The following HHAT variants were observed in gnomAD, a reference collection of about 807,000 sequenced individuals.
HHAT encodes protein-cysteine N-palmitoyltransferase HHAT.
In HHAT, 47 loss-of-function variants were observed where a neutral mutation model predicts 70.8. The ratio of observed to expected loss-of-function variants is 0.66; its 90% CI spans 0.53 to 0.85. HHAT has a LOEUF of 0.85. Ranked by LOEUF, HHAT falls within the 40% of genes least tolerant of loss-of-function variation. The pLI is 0.00. For missense variants in HHAT, 609 were observed against 604.8 expected (o/e 1.01, Z -0.07); for synonymous variants, 228 against 247.6 (o/e 0.92, Z 0.74).
intron 8 of HHAT, among the ~76,000 whole-genome samples, chr1:210,482,225 T>G (rs2094407896): frequency 1.3e-5 from 2 of 152,104 alleles, no homozygotes; most frequent in Non-Finnish European, 2.9e-5. Flanking sequence ...CTTCTGTACC[T>G]CCTGGTCCCC....
In HHAT at chr1:210,439,839, G is replaced by A. The variant is rs1212429428; in HGVS notation, c.856+21514G>A. 6 of 151,926 alleles carry A rather than the reference G, an allele frequency of 3.9e-5. 1 individual carries two copies. Among genetic ancestry groups the A allele is most frequent in the African/African-American group, 1.5e-4 (6 of 41,164 alleles). 9.4% of individuals were successfully genotyped at this position (151,926 alleles called of 1,614,324 possible). On this transcript the variant is annotated intron_variant, in intron 7 of 11. Transcript: ENST00000261458. ...GACAAGTGATGTTCCCTGAGGTTTGGGGACTTGGGCTTTTCTTAATCACCT... is the reference window on the plus strand; with the variant it reads ...GACAAGTGATGTTCCCTGAGGTTTGAGGACTTGGGCTTTTCTTAATCACCT...
chr1:210,450,567 C>T (rs1011569916), intron 7 of HHAT, among the ~76,000 whole-genome samples: 7 of 149,510 alleles, frequency 4.7e-5, no homozygotes, highest in Non-Finnish European at 5.9e-5. Flanking sequence ...CATGAGCTAC[C>T]GCACCTGGCC....
At chr1:210,595,737 T>C (rs1158299454) in intron 10 of HHAT, among the ~76,000 whole-genome samples, 1 of 152,248 alleles carries the variant, frequency 6.6e-6, no homozygotes, top group Non-Finnish European at 1.5e-5. Flanking sequence ...CATTTTTTCA[T>C]GTGTCTTTTG....
At chr1:210,600,972 T>G (rs182636371) in intron 10 of HHAT, among the ~76,000 whole-genome samples, 1 of 152,260 alleles carries the variant, frequency 6.6e-6, no homozygotes, top group East Asian at 1.9e-4. Context: ...CCTGCTGAGC[T>G]GATTTATATC....
intron 9 of HHAT, among the ~76,000 whole-genome samples, chr1:210,527,421 C>T (rs116540764): frequency 6.6e-6 from 1 of 152,096 alleles, no homozygotes; most frequent in Non-Finnish European, 1.5e-5. Context: ...ATAGTAATAC[C>T]TATTTCACAG....
chr1:210,536,531 C>A lies in HHAT; in HGVS notation c.1043+23343C>A, dbSNP rs754032347. ...CCTCTGCCTGTTAGTGATTGTATCT[C>A]TCCTCTGCTGTATCATTTACAGTGG... On this transcript the variant is annotated intron_variant, in intron 9 of 11. Transcript: ENST00000261458. 8.8e-4 allele frequency among the ~76,000 whole-genome samples: 134 copies of A among 152,338 alleles called. 1 individual carries two copies. The highest frequency in any genetic ancestry group is 1.9e-3 in the Non-Finnish European group (127 of 68,028).
chr1:210,523,819 C>T (rs1449179295), intron 9 of HHAT, among the ~76,000 whole-genome samples: 3 of 152,162 alleles, frequency 2.0e-5, no homozygotes, highest in African/African-American at 2.4e-5. Flanking sequence ...TATTTTTATA[C>T]CAAATTAAGT....
chr1:210,541,465 C>T (rs964571528), intron 9 of HHAT, among the ~76,000 whole-genome samples: 13 of 152,178 alleles, frequency 8.5e-5, no homozygotes, highest in East Asian at 1.9e-4. Context: ...CGGTGGCTCA[C>T]GCCTGTAATC....
At chr1:210,580,115 T>C (rs532704365) in intron 9 of HHAT, among the ~76,000 whole-genome samples, 13 of 152,318 alleles carry the variant, frequency 8.5e-5, no homozygotes, top group African/African-American at 3.1e-4. Context: ...TAATAGATAA[T>C]TTTCAGAATT....
At chr1:210,438,074 G>A (rs755664908) in intron 7 of HHAT, among the ~76,000 whole-genome samples, 1 of 151,894 alleles carries the variant, frequency 6.6e-6, no homozygotes, top group Non-Finnish European at 1.5e-5. Flanking sequence ...GGCCTTAGGT[G>A]TGGGATGAGA....
intron 6 of HHAT, among the ~76,000 whole-genome samples, chr1:210,405,581 T>A (rs2092297234): frequency 6.6e-6 from 1 of 152,138 alleles, no homozygotes. Flanking sequence ...CAAGCAGCAG[T>A]GTTGCACATT....
chr1:210,605,916 G>A (rs1348512324), intron 10 of HHAT, among the ~76,000 whole-genome samples: 2 of 151,896 alleles, frequency 1.3e-5, no homozygotes, highest in African/African-American at 2.4e-5. Context: ...GAGTGCAGTG[G>A]CTTGATCTTG....
intron 2 of HHAT, among the ~76,000 whole-genome samples, chr1:210,362,236 C>CTTTTTTTTTTT (rs72236593): frequency 1.4e-5 from 2 of 139,674 alleles, no homozygotes. Context: ...GTCAAAATTT[C>CTTTTTTTTTTT]TTTTTTTTTT....
chr1:210,497,160 A>G (rs929349292), intron 8 of HHAT, among the ~76,000 whole-genome samples: 4 of 152,200 alleles, frequency 2.6e-5, no homozygotes, highest in Non-Finnish European at 5.9e-5. Flanking sequence ...TATCTTGAGA[A>G]TAGGGATTAT....
chr1:210,556,989 A>T (rs1558155352), intron 9 of HHAT, among the ~76,000 whole-genome samples: 1 of 152,186 alleles, frequency 6.6e-6, no homozygotes, highest in Non-Finnish European at 1.5e-5. Flanking sequence ...TGGGACCCAG[A>T]TGTGAGGCTT....
chr1:210,411,284 T>A (rs2357585), intron 6 of HHAT, among the ~76,000 whole-genome samples: 63,051 of 152,024 alleles, frequency 0.41, 13,554 homozygotes, highest in South Asian at 0.49. Flanking sequence ...CCCGAGGTAC[T>A]GTCCTGGCCT....
chr1:210,374,348 A>G (rs1374893516), intron 3 of HHAT: 1 of 152,264 alleles, frequency 6.6e-6, no homozygotes, highest in African/African-American at 2.4e-5. Context: ...TCGCACAAAA[A>G]GAATTACTGC....
chr1:210,637,873 G>C (rs868311491), intron 11 of HHAT, among the ~76,000 whole-genome samples: 1 of 123,384 alleles, frequency 8.1e-6, no homozygotes, highest in Non-Finnish European at 1.8e-5. Flanking sequence ...AAAAAAAAAG[G>C]GGGGGGCAAA....
chr1:210,635,175 G>A (rs991940704), intron 11 of HHAT, among the ~76,000 whole-genome samples: 4 of 109,594 alleles, frequency 3.6e-5, no homozygotes, highest in African/African-American at 1.2e-4. Context: ...TAATGGATGA[G>A]TAAGTCCAGA....
Sources: allele counts gnomAD v4.1 joint callset (sites outside exome capture counted in the v4.1 genomes callset), GRCh38; gene constraint gnomAD v4.1.1; transcripts MANE v1.5; gene names NCBI Gene and HGNC (gene_info 2026-07-23, HGNC 2026-07-21).